Variants in HTR4 observed in about 807,000 individuals in gnomAD.
HTR4 encodes the protein 5-hydroxytryptamine (serotonin) receptor 4, G protein-coupled.
HTR4 carries 16 observed loss-of-function variants against 36.8 expected under a neutral mutation model. That is an observed-to-expected ratio of 0.43 (90% CI 0.29 to 0.66). HTR4 has a LOEUF of 0.66. Ranked by LOEUF, HTR4 falls within the 30% of genes least tolerant of loss-of-function variation. The pLI is 0.13. For missense variants in HTR4, 438 were observed against 490.9 expected (o/e 0.89, Z 1.02); for synonymous variants, 189 against 185.1 (o/e 1.02, Z -0.17).
chr5:148,599,664 C>T (rs978038672), intron 2 of HTR4, among the ~76,000 whole-genome samples: 1 of 151,588 alleles, frequency 6.6e-6, no homozygotes, highest in Non-Finnish European at 1.5e-5. Flanking sequence ...CAGAGAAAAA[C>T]ATGGGAATGC....
rs139083500 is a variant in HTR4 at position 148,463,856 on chromosome 5, G to A, written c.1077-12584C>T. On this transcript the variant is annotated intron_variant, in intron 5 of 5. Transcript: ENST00000521530. ...GACTTAATATAAAACTGCAGTAAATGAAGCAGTATAGTTTGGCCAAAGAAT... is the reference window on the plus strand; with the variant it reads ...GACTTAATATAAAACTGCAGTAAATAAAGCAGTATAGTTTGGCCAAAGAAT... Among the ~76,000 whole-genome samples the A allele has an allele frequency of 4.9e-3, 739 of 152,178 alleles. 8 individuals carry two copies. The highest frequency in any genetic ancestry group is 0.034 in the Middle Eastern group (10 of 294).
chr5:148,503,745 C>T (rs1757047694), intron 6 of HTR4, among the ~76,000 whole-genome samples: 1 of 152,176 alleles, frequency 6.6e-6, no homozygotes, highest in Admixed American at 6.5e-5. Context: ...GTTCAGGAGA[C>T]CCATCTCACA....
intron 2 of HTR4, among the ~76,000 whole-genome samples, chr5:148,620,774 T>C (rs1011432291): frequency 6.6e-6 from 1 of 152,196 alleles, no homozygotes; most frequent in Non-Finnish European, 1.5e-5. Context: ...TAAAGTCCCT[T>C]TTCTGTCTCT....
chr5:148,647,834 G>A (rs138814284), intron 1 of HTR4, among the ~76,000 whole-genome samples: 106 of 152,318 alleles, frequency 7.0e-4, no homozygotes, highest in African/African-American at 2.5e-3. Flanking sequence ...CGCTGACAGA[G>A]CGAGACTCCA....
At chr5:148,625,981 G>A (rs112313104) in intron 2 of HTR4, among the ~76,000 whole-genome samples, 1 of 151,528 alleles carries the variant, frequency 6.6e-6, no homozygotes, top group African/African-American at 2.4e-5. Context: ...TCTACTCATA[G>A]CCTATTCCCC....
At chr5:148,613,380 G>A (rs1023105232) in intron 2 of HTR4, among the ~76,000 whole-genome samples, 8 of 149,632 alleles carry the variant, frequency 5.3e-5, no homozygotes, top group South Asian at 2.2e-4. Context: ...TTCAATATAC[G>A]CAAATTAATA....
intron 2 of HTR4, among the ~76,000 whole-genome samples, chr5:148,561,777 A>T (rs1180272691): frequency 6.6e-6 from 1 of 151,634 alleles, no homozygotes; most frequent in African/African-American, 2.4e-5. Context: ...CAGCACAGGG[A>T]AAAAATGTGG....
chr5:148,574,390 G>GCTCT (rs137966163), intron 2 of HTR4, among the ~76,000 whole-genome samples: 91 of 148,600 alleles, frequency 6.1e-4, no homozygotes, highest in South Asian at 2.2e-3. Context: ...GCTCTCGCGC[G>GCTCT]CTCTCTCTCT....
At chr5:148,653,736 A>G (rs953547409) in intron 1 of HTR4, among the ~76,000 whole-genome samples, 12 of 152,092 alleles carry the variant, frequency 7.9e-5, no homozygotes, top group Admixed American at 2.0e-4. Flanking sequence ...TCTCTTACAC[A>G]CACGCACACA....
At chr5:148,470,842 C>T (rs563350013) in intron 5 of HTR4, among the ~76,000 whole-genome samples, 1 of 152,166 alleles carries the variant, frequency 6.6e-6, no homozygotes, top group African/African-American at 2.4e-5. Flanking sequence ...GCACCCACCA[C>T]CATGACCAGC....
intron 2 of HTR4, among the ~76,000 whole-genome samples, chr5:148,616,325 C>T (rs538394014): frequency 4.6e-5 from 7 of 152,260 alleles, no homozygotes; most frequent in South Asian, 4.1e-4. Context: ...TTATCTCAAG[C>T]GGGAAAGTAG....
intron 5 of HTR4, among the ~76,000 whole-genome samples, 171 bp downstream of exon 5, chr5:148,523,022 G>A (rs1207017218): frequency 6.6e-6 from 1 of 152,048 alleles, no homozygotes; most frequent in African/African-American, 2.4e-5. Context: ...TTGGGTTAAG[G>A]AGAGGAGTTT....
In HTR4 at chr5:148,481,984, C is replaced by G; in HGVS notation, c.*1219G>C. 9.8e-7 allele frequency: 1 copy of G among 1,015,244 alleles called. No individual in the cohort carries two copies. Among genetic ancestry groups the G allele is most frequent in the Non-Finnish European group, 1.2e-6 (1 of 849,982 alleles). The allele number at this position is 1,015,244 out of a possible 1,614,324, so 62.9% of individuals were successfully genotyped here. A position where few individuals can be genotyped will look rare whatever the true frequency, so the allele number is the denominator to read the frequency against. ...GACGGCTATAGCAGCATACTGTTGT[C>G]TTAGAAACAGAAAGAAAACTTAAAG... On this transcript the variant is annotated 3_prime_UTR_variant, in exon 7 of 7. Coordinates refer to ENST00000377888, the MANE Select transcript of HTR4 (RefSeq NM_000870.7).
chr5:148,492,922 C>T (rs900800537), intron 6 of HTR4, among the ~76,000 whole-genome samples: 1 of 152,144 alleles, frequency 6.6e-6, no homozygotes, highest in Non-Finnish European at 1.5e-5. Flanking sequence ...TCCACCAAGC[C>T]AGAAGCTGGA....
chr5:148,484,711 G>A (rs1385857023), intron 6 of HTR4, among the ~76,000 whole-genome samples: 1 of 152,138 alleles, frequency 6.6e-6, no homozygotes, highest in Admixed American at 6.5e-5. Context: ...AGCAGAATAT[G>A]CAAGATTTCT....
intron 4 of HTR4, among the ~76,000 whole-genome samples, chr5:148,528,337 G>A (rs141842353): frequency 3.3e-5 from 5 of 152,052 alleles, no homozygotes; most frequent in East Asian, 1.9e-4. Flanking sequence ...TAGAACATAA[G>A]GTTCTTATTT....
At chr5:148,643,884 T>C (rs539892971) in intron 1 of HTR4, among the ~76,000 whole-genome samples, 14 of 152,276 alleles carry the variant, frequency 9.2e-5, no homozygotes, top group African/African-American at 3.4e-4. Context: ...CATCAGATAG[T>C]CACGTTTGAG....
intron 2 of HTR4, among the ~76,000 whole-genome samples, chr5:148,580,702 T>C (rs1254950969): frequency 6.6e-6 from 1 of 152,156 alleles, no homozygotes. Context: ...TGTTAGGTTT[T>C]TCTTCTTTTT....
At chr5:148,588,959 G>A (rs1761453985) in intron 2 of HTR4, among the ~76,000 whole-genome samples, 1 of 152,062 alleles carries the variant, frequency 6.6e-6, no homozygotes, top group South Asian at 2.1e-4. Flanking sequence ...ACGTTTATGT[G>A]AATGATGGTA....
Sources: gnomAD v4.1 joint callset for allele counts (sites outside exome capture counted in the v4.1 genomes callset) on GRCh38, gnomAD v4.1.1 for gene constraint, MANE v1.5 for transcripts, NCBI Gene and HGNC (gene_info 2026-07-23, HGNC 2026-07-21) for gene names.